NHEJ1: variants seen among roughly 807,000 people sequenced by gnomAD.
The protein encoded by NHEJ1 is non-homologous end joining factor 1.
A neutral mutation model predicts 39.4 loss-of-function variants in NHEJ1; 22 were observed. The ratio of observed to expected loss-of-function variants is 0.56; its 90% CI spans 0.40 to 0.80. The LOEUF is 0.80. NHEJ1 is among the 30% of genes least tolerant of loss of function. The pLI, the probability that NHEJ1 is intolerant of heterozygous loss-of-function variation, is 0.00. For synonymous variants in NHEJ1, 154 were observed against 135.6 expected, an observed-to-expected ratio of 1.14 and a Z score of -0.94; for missense variants, 329 against 357.1, an observed-to-expected ratio of 0.92 and a Z score of 0.63.
At chr2:219,076,642 C>T (rs114178623) in intron 7 of NHEJ1, among the ~76,000 whole-genome samples, 187 bp from the exon 8 acceptor site, 2 of 149,524 alleles carry the variant, frequency 1.3e-5, no homozygotes, top group Non-Finnish European at 3.0e-5. Flanking sequence ...CTCCTGGGCT[C>T]GAGCAATCCG....
chr2:219,088,221 T>C (rs540973890), intron 5 of NHEJ1, among the ~76,000 whole-genome samples: 3 of 152,238 alleles, frequency 2.0e-5, no homozygotes, highest in African/African-American at 7.2e-5. Flanking sequence ...TCCACTTCTA[T>C]GTATTTCCCC....
At chr2:219,143,807 A>G (rs1309852557) in intron 5 of NHEJ1, among the ~76,000 whole-genome samples, 3 of 152,192 alleles carry the variant, frequency 2.0e-5, no homozygotes, top group Non-Finnish European at 4.4e-5. Flanking sequence ...ACCCCATAGT[A>G]TGAAAACGAT....
chr2:219,108,806 C>T (rs1356048050), intron 5 of NHEJ1, among the ~76,000 whole-genome samples: 1 of 151,362 alleles, frequency 6.6e-6, no homozygotes, highest in African/African-American at 2.4e-5. Context: ...TGAAGTTATC[C>T]TGGGTGGAAA....
chr2:219,121,599 G>A (rs1191193871), intron 5 of NHEJ1, among the ~76,000 whole-genome samples: 5 of 151,964 alleles, frequency 3.3e-5, no homozygotes, highest in African/African-American at 4.8e-5. Context: ...CTGGCACTTC[G>A]GAAGGCTGAG....
intron 1 of NHEJ1, among the ~76,000 whole-genome samples, chr2:219,159,683 T>C (rs1329889931): frequency 6.6e-6 from 1 of 150,762 alleles, no homozygotes; most frequent in Non-Finnish European, 1.5e-5. Context: ...TCCGTCACAT[T>C]TCCCACATGC....
chr2:219,077,477 A>T, intron 6 of NHEJ1, 113 bp from the exon 7 acceptor site: 1 of 848,778 alleles, frequency 1.2e-6, no homozygotes, highest in Non-Finnish European at 2.0e-6. Flanking sequence ...CAAATATATA[A>T]GCAGACAGAA....
intron 5 of NHEJ1, among the ~76,000 whole-genome samples, chr2:219,142,881 A>G (rs1205326301): frequency 6.6e-6 from 1 of 152,216 alleles, no homozygotes; most frequent in Non-Finnish European, 1.5e-5. Context: ...TTAGGCCACT[A>G]TCAACTGGCT....
intron 5 of NHEJ1, among the ~76,000 whole-genome samples, chr2:219,101,956 C>T (rs914270170): frequency 6.8e-6 from 1 of 147,698 alleles, no homozygotes; most frequent in Non-Finnish European, 1.5e-5. Context: ...GATCTCCTGA[C>T]CTCGTGATCC....
chr2:219,122,969 C>T (rs11901142), intron 5 of NHEJ1, among the ~76,000 whole-genome samples: 6,539 of 152,250 alleles, frequency 0.043, 473 homozygotes, highest in African/African-American at 0.15. Context: ...ACACTGGGCA[C>T]ACAGGCAGTT....
At chr2:219,146,253 T>C (rs1949738358) in intron 5 of NHEJ1, among the ~76,000 whole-genome samples, 1 of 152,108 alleles carries the variant, frequency 6.6e-6, no homozygotes, top group Non-Finnish European at 1.5e-5. Context: ...AGCCCCCAAA[T>C]GGTAGCCCTA....
chr2:219,101,105 T>C (rs1049999002), intron 5 of NHEJ1, among the ~76,000 whole-genome samples: 10 of 152,198 alleles, frequency 6.6e-5, no homozygotes, highest in African/African-American at 2.4e-4. Flanking sequence ...GGCTATCTTT[T>C]CAAGGCTATT....
At chr2:219,142,937 T>G (rs1162471568) in intron 5 of NHEJ1, among the ~76,000 whole-genome samples, 1 of 152,174 alleles carries the variant, frequency 6.6e-6, no homozygotes, top group African/African-American at 2.4e-5. Context: ...TTAGACAGAG[T>G]GGAAAAACAA....
intron 5 of NHEJ1, among the ~76,000 whole-genome samples, chr2:219,101,931 G>A (rs568735017): frequency 7.3e-5 from 11 of 150,480 alleles, no homozygotes; most frequent in East Asian, 2.0e-4. Flanking sequence ...TCACCATGTT[G>A]GCCAAGATGG....
At chr2:219,097,532 T>C (rs759942297) in intron 5 of NHEJ1, among the ~76,000 whole-genome samples, 57 of 152,214 alleles carry the variant, frequency 3.7e-4, no homozygotes, top group Non-Finnish European at 6.0e-4. Context: ...GAGATCCTCC[T>C]ATCTTGGCCT....
In NHEJ1 at chr2:219,095,113, T is replaced by C. The variant is rs575881842; in HGVS notation, c.589-16907A>G. ...TGACCAAGGTATGTGGAAGACTGTA[T>C]TGGTCCCATCCTAGAAGGTGGGCAG... On this transcript the variant is annotated intron_variant, in intron 5 of 7. Coordinates refer to ENST00000356853, the MANE Select transcript of NHEJ1 (RefSeq NM_024782.3). Among the ~76,000 whole-genome samples, 10 of 152,272 alleles carry C rather than the reference T, an allele frequency of 6.6e-5. No homozygotes were observed. The East Asian group carries it at 1.9e-3, about 29-fold the overall frequency.
At chr2:219,105,528 G>A (rs1232188463) in intron 5 of NHEJ1, among the ~76,000 whole-genome samples, 1 of 152,182 alleles carries the variant, frequency 6.6e-6, no homozygotes, top group Non-Finnish European at 1.5e-5. Flanking sequence ...CTAGAACAGT[G>A]ACTGGCACAT....
chr2:219,140,174 A>G (rs774398698), intron 5 of NHEJ1, among the ~76,000 whole-genome samples: 1 of 152,244 alleles, frequency 6.6e-6, no homozygotes, highest in Non-Finnish European at 1.5e-5. Flanking sequence ...TTAGAAAAAC[A>G]GCAAGAGGCC....
chr2:219,140,866 G>A (rs1347176184), intron 5 of NHEJ1, among the ~76,000 whole-genome samples: 2 of 152,184 alleles, frequency 1.3e-5, no homozygotes, highest in African/African-American at 4.8e-5. Flanking sequence ...GGCTGAAGAT[G>A]TCAAAAGGAT....
chr2:219,133,828 C>T (rs1949600251), intron 5 of NHEJ1, among the ~76,000 whole-genome samples: 1 of 152,212 alleles, frequency 6.6e-6, no homozygotes, highest in Non-Finnish European at 1.5e-5. Flanking sequence ...TCACCCATCC[C>T]TTCATGACAT....
Sources: gnomAD v4.1 joint callset for allele counts (sites outside exome capture counted in the v4.1 genomes callset) on GRCh38, gnomAD v4.1.1 for gene constraint, MANE v1.5 for transcripts, NCBI Gene and HGNC (gene_info 2026-07-23, HGNC 2026-07-21) for gene names.